The following CACNA1S variants were observed in gnomAD, a reference collection of about 807,000 sequenced individuals.
CACNA1S encodes the protein calcium voltage-gated channel subunit alpha1 S, also known as voltage-dependent L-type calcium channel subunit alpha-1S.
Under a neutral mutation model 207.4 loss-of-function variants are expected in CACNA1S, and 126 were observed. That is an observed-to-expected ratio of 0.61 (90% CI 0.53 to 0.70). CACNA1S has a LOEUF of 0.70. CACNA1S is among the 30% of genes least tolerant of loss of function. The pLI, the probability that CACNA1S is intolerant of heterozygous loss-of-function variation, is 0.00. For missense variants in CACNA1S, 2,349 were observed against 2,422.8 expected (o/e 0.97, Z 0.64); for synonymous variants, 960 against 932.7 (o/e 1.03, Z -0.53).
chr1:201,052,259 T>A (rs1013155921), intron 32 of CACNA1S, among the ~76,000 whole-genome samples: 1 of 152,224 alleles, frequency 6.6e-6, no homozygotes, highest in African/African-American at 2.4e-5. Context: ...GGAGAAGATA[T>A]CTGACCTCTG....
At chr1:201,085,927 G>A (rs969453302) in intron 7 of CACNA1S, among the ~76,000 whole-genome samples, 4 of 152,198 alleles carry the variant, frequency 2.6e-5, no homozygotes, top group East Asian at 1.9e-4. Flanking sequence ...AATCAGCCAC[G>A]GAGCCTCAAA....
At chr1:201,077,415 C>T (rs538678914) in intron 11 of CACNA1S, among the ~76,000 whole-genome samples, 4 of 152,330 alleles carry the variant, frequency 2.6e-5, no homozygotes, top group Admixed American at 2.6e-4. Context: ...CTCCTGTGCA[C>T]CCTCGATGCC....
At chr1:201,045,986 T>C (rs1660455589) in intron 38 of CACNA1S, among the ~76,000 whole-genome samples, 2 of 145,436 alleles carry the variant, frequency 1.4e-5, no homozygotes, top group African/African-American at 5.4e-5. Context: ...TGAGATTATT[T>C]CAAAATAAAA....
Position 201,053,422 on chromosome 1 carries a change from C to T in CACNA1S, c.3795+37G>A, listed in dbSNP as rs766079623. The T allele has an allele frequency of 1.4e-5, 23 of 1,613,954 alleles. No homozygotes were observed. The highest frequency in any genetic ancestry group is 5.0e-5 in the Admixed American group (3 of 60,018). ...CTGAGGCAGATGTCCCTAGTGGCCT[C>T]CCCAGGTACGTGCAGTTTCCAGGGT... On this transcript the variant is annotated intron_variant, in intron 30 of 43. Coordinates refer to ENST00000362061, the MANE Select transcript of CACNA1S (RefSeq NM_000069.3). This position sits in a 1 kb window ranked among gnomAD's most constrained non-coding sequence, Gnocchi z 5.1.
rs1660212947 is a variant in CACNA1S at position 201,041,593 on chromosome 1, A to C, written c.5049-4T>G. ...GAACTCCCTTTCATAGTGGACACTG[A>C]AATGGAAGCAAGGCTGGGTGAACCA... On this transcript the variant is annotated splice_polypyrimidine_tract_variant and splice_region_variant and intron_variant, in intron 40 of 43. Transcript: ENST00000362061. 1 of 1,608,908 alleles carries C rather than the reference A, an allele frequency of 6.2e-7. No individual in the cohort carries two copies. Among genetic ancestry groups the C allele is most frequent in the African/African-American group, 1.3e-5 (1 of 74,820 alleles).
Position 201,058,395 on chromosome 1 carries a change from GC to G in CACNA1S, c.3609+12del. The G allele has an allele frequency of 6.2e-7, 1 of 1,611,454 alleles. No individual in the cohort carries two copies. Among genetic ancestry groups the G allele is most frequent in the South Asian group, 1.1e-5 (1 of 91,012 alleles). On this transcript the variant is annotated intron_variant, in intron 28 of 43. Coordinates refer to ENST00000362061, the MANE Select transcript of CACNA1S (RefSeq NM_000069.3). The stretch of plus-strand genomic sequence containing the variant: ...GCCCACCCTAGTGATGGCTCTGCCT[GC>G]CTGATACTCACGTCGATCTCACTGA...
Position 201,087,750 on chromosome 1 carries a change from C to A in CACNA1S, c.1004+76G>T. The A allele has an allele frequency of 1.2e-5, 12 of 985,050 alleles. No homozygotes were observed. The South Asian group carries it at 1.6e-4, about 13-fold the overall frequency. The allele number at this position is 985,050 out of a possible 1,614,324, so 61.0% of individuals were successfully genotyped here. On this transcript the variant is annotated intron_variant, in intron 7 of 43. Transcript: ENST00000362061. ...CCACCCCTCCTGTTTCTTTTCCCTC[C>A]GTTCCTTTTCCTTCCTCCTCCTTCT...
intron 14 of CACNA1S, among the ~76,000 whole-genome samples, chr1:201,074,146 A>G (rs1486274644): frequency 6.7e-6 from 1 of 150,276 alleles, no homozygotes; most frequent in Non-Finnish European, 1.5e-5. Context: ...ACCACCGGGG[A>G]GCCTGTTCGA....
At position 201,039,695 on chromosome 1, in the gene CACNA1S, C is replaced by T. The variant is rs936058643; in HGVS notation, c.*136G>A. On this transcript the variant is annotated 3_prime_UTR_variant, in exon 44 of 44. Transcript: ENST00000362061. ...CACTTTTTGAGGTGGTTCCTGACCA[C>T]CCTGCCTCAGGCCATGCATCTAGCT... 30 of 1,236,618 alleles carry T rather than the reference C, an allele frequency of 2.4e-5. 1 individual carries two copies. The South Asian group carries it at 2.7e-4, about 11-fold the overall frequency. 76.6% of individuals were successfully genotyped at this position (1,236,618 alleles called of 1,614,324 possible).
At chr1:201,100,918 A>G (rs1662631457) in intron 2 of CACNA1S, among the ~76,000 whole-genome samples, 1 of 152,184 alleles carries the variant, frequency 6.6e-6, no homozygotes, top group Non-Finnish European at 1.5e-5. Context: ...AAAAAGAAAA[A>G]TAATCATCAC....
rs1661331831 is a variant in CACNA1S at position 201,068,515 on chromosome 1, T to G, written c.2550+622A>C. On this transcript the variant is annotated intron_variant, in intron 19 of 43. Coordinates refer to ENST00000362061, the MANE Select transcript of CACNA1S (RefSeq NM_000069.3). ...GCCTCGGCCTCCCAAAGTGCTGGGA[T>G]TACAGGCGTGAGCCACTGCGCCCGG... is the stretch of plus-strand genomic sequence containing the variant. Among the ~76,000 whole-genome samples the G allele has an allele frequency of 2.0e-5, 3 of 148,318 alleles. No individual in the cohort carries two copies. In the South Asian group the frequency reaches 6.9e-4, roughly 34 times the overall value.
chr1:201,084,192 TG>T (rs1211640224), intron 9 of CACNA1S, among the ~76,000 whole-genome samples: 2 of 152,234 alleles, frequency 1.3e-5, no homozygotes, highest in African/African-American at 4.8e-5. Context: ...GACAAATATT[TG>T]GCAACACCTC....
rs913190021 is a variant in CACNA1S, at chr1:201,096,510, C to T, written c.259-2489G>A. On this transcript the variant is annotated intron_variant, in intron 2 of 43. Coordinates refer to ENST00000362061, the MANE Select transcript of CACNA1S (RefSeq NM_000069.3). ...GCCCTGGGTAAGACCTGGCTGTCTC[C>T]CCAAGATCAAAGTCACCAACCTTCC... 2.0e-5 allele frequency among the ~76,000 whole-genome samples: 3 copies of T among 152,152 alleles called. No individual in the cohort carries two copies. The South Asian group carries it at 6.2e-4, about 32-fold the overall frequency.
chr1:201,080,761 T>C (rs1026374248), intron 10 of CACNA1S, among the ~76,000 whole-genome samples: 3 of 152,118 alleles, frequency 2.0e-5, no homozygotes, highest in Non-Finnish European at 4.4e-5. Flanking sequence ...TGTTTGTTTG[T>C]TTTTTTAATT....
rs1663135843 is a variant in CACNA1S at position 201,112,083 on chromosome 1, C to T, written c.152+105G>A. On this transcript the variant is annotated intron_variant, in intron 1 of 43. Coordinates refer to ENST00000362061, the MANE Select transcript of CACNA1S (RefSeq NM_000069.3). ...TGTGAGTTCACCCCATGTCTAAGTG[C>T]CAGGCCTCCCTGGCCCTCCTGTAGG... The T allele has an allele frequency of 8.6e-6, 10 of 1,156,432 alleles. No individual in the cohort carries two copies. In the South Asian group the frequency reaches 1.3e-4, roughly 15 times the overall value. 71.6% of individuals were successfully genotyped at this position (1,156,432 alleles called of 1,614,324 possible).
In CACNA1S at chr1:201,096,009, A is replaced by G. The variant is rs574915517; in HGVS notation, c.259-1988T>C. Reference sequence around the variant, plus strand: ...CAATTTCAGGTTGCTGCAACCCCAGAGGGATAGACAGAAGTGGGGTTGAGG... The same window carrying G: ...CAATTTCAGGTTGCTGCAACCCCAGGGGGATAGACAGAAGTGGGGTTGAGG... On this transcript the variant is annotated intron_variant, in intron 2 of 43. Transcript: ENST00000362061. 2.3e-3 allele frequency among the ~76,000 whole-genome samples: 346 copies of G among 152,316 alleles called. 2 individuals are homozygous for G. Among genetic ancestry groups the G allele is most frequent in the African/African-American group, 8.0e-3 (332 of 41,568 alleles).
chr1:201,041,756 C>A (rs1328474769), intron 40 of CACNA1S, 167 bp from the exon 41 acceptor site: 2 of 687,892 alleles, frequency 2.9e-6, no homozygotes, highest in East Asian at 2.7e-5. Flanking sequence ...CCCCAGCCAG[C>A]CCTGACTCTC....
Position 201,066,964 on chromosome 1 carries a change from C to T in CACNA1S, c.2580G>A (p.Lys860=), listed in dbSNP as rs1254537845. 4 of 1,613,996 alleles carry T rather than the reference C, an allele frequency of 2.5e-6. No homozygotes were observed. The part of the protein sequence containing the change: ...KMTTYGAFLH[K]GSFCRNYFNM... ...TGAAGTAATTGCGGCAGAAGGAACC[C>T]TTGTGCAGGAAGGCTCCGTAGGTCG... Residue 860 remains lysine (K), a synonymous_variant, in exon 20 of 44, where the codon AAG becomes AAA. Transcript: ENST00000362061. This position sits in a 1 kb window ranked among gnomAD's most constrained non-coding sequence, Gnocchi z 4.3.
intron 10 of CACNA1S, among the ~76,000 whole-genome samples, chr1:201,082,349 C>T (rs1283057000): frequency 6.6e-6 from 1 of 152,092 alleles, no homozygotes; most frequent in Non-Finnish European, 1.5e-5. Flanking sequence ...TTTATAGCAA[C>T]ACAAGAATGG....
Sources: gnomAD v4.1 joint callset for allele counts (sites outside exome capture counted in the v4.1 genomes callset) on GRCh38, gnomAD v4.1.1 for gene constraint, Gnocchi (gnomAD v3.1) non-coding constraint, MANE v1.5 for transcripts, NCBI Gene and HGNC (gene_info 2026-07-23, HGNC 2026-07-21) for gene names.